The following SLC30A6 variants were observed in gnomAD, a reference collection of about 807,000 sequenced individuals.
SLC30A6 encodes zinc transporter 6.
SLC30A6 carries 55 observed loss-of-function variants against 63.0 expected under a neutral mutation model. That is an observed-to-expected ratio of 0.87 (90% confidence interval 0.70 to 1.09). SLC30A6 has a LOEUF of 1.09. SLC30A6 is among the 50% of genes least tolerant of loss of function. The pLI is 0.00. For missense variants in SLC30A6, 587 were observed against 549.2 expected (o/e 1.07, Z -0.69); for synonymous variants, 224 against 186.1 (o/e 1.20, Z -1.66).
intron 4 of SLC30A6, among the ~76,000 whole-genome samples, chr2:32,180,607 A>G (rs1399980804): frequency 6.6e-6 from 1 of 151,650 alleles, no homozygotes; most frequent in Non-Finnish European, 1.5e-5. Context: ...TAATTTTTGT[A>G]TTTTTAGTGG....
chr2:32,185,200 A>C (rs1233873783), intron 5 of SLC30A6, among the ~76,000 whole-genome samples: 1 of 152,148 alleles, frequency 6.6e-6, no homozygotes, highest in African/African-American at 2.4e-5. Context: ...TCGCTGCAAA[A>C]AATGTTTTTA....
chr2:32,186,375 G>A (rs369239942), intron 5 of SLC30A6, among the ~76,000 whole-genome samples: 1 of 152,198 alleles, frequency 6.6e-6, no homozygotes, highest in South Asian at 2.1e-4. Context: ...ATCTGCCACT[G>A]CAAGTGACAG....
At chr2:32,170,718 C>G (rs1681129975) in intron 1 of SLC30A6, among the ~76,000 whole-genome samples, 1 of 152,212 alleles carries the variant, frequency 6.6e-6, no homozygotes, top group Non-Finnish European at 1.5e-5. Flanking sequence ...CACGCCTCAG[C>G]CTCCTGAGTA....
intron 5 of SLC30A6, among the ~76,000 whole-genome samples, chr2:32,192,112 C>T (rs2148852037): frequency 6.6e-6 from 1 of 151,294 alleles, no homozygotes; most frequent in East Asian, 1.9e-4. Context: ...GGTGCTCTCT[C>T]TTCTGAGTCC....
chr2:32,175,141 G>A (rs921755294), intron 3 of SLC30A6, among the ~76,000 whole-genome samples, 178 bp from the exon 4 acceptor site: 7 of 152,000 alleles, frequency 4.6e-5, no homozygotes, highest in African/African-American at 1.4e-4. Flanking sequence ...TTCTACCAAC[G>A]AACTTTGGCT....
At position 32,175,225 on chromosome 2, in the gene SLC30A6, A is replaced by G. The variant is rs150882568; in HGVS notation, c.176-94A>G. 6.0e-3 allele frequency: 7,271 copies of G among 1,208,338 alleles called. 34 individuals carry two copies. The highest frequency in any genetic ancestry group is 7.1e-3 in the Non-Finnish European group (5,973 of 845,062). The allele number at this position is 1,208,338 out of a possible 1,614,324, so 74.9% of individuals were successfully genotyped here. On this transcript the variant is annotated intron_variant, in intron 3 of 13. Transcript: ENST00000282587. ...CCCGTGACTCAAAAGTTTTTTTGATAATGGATACCCCTGGTAGAAATAATT... is the reference window on the plus strand; with the variant it reads ...CCCGTGACTCAAAAGTTTTTTTGATGATGGATACCCCTGGTAGAAATAATT...
At chr2:32,178,953 G>A (rs893783347) in intron 4 of SLC30A6, among the ~76,000 whole-genome samples, 3 of 152,090 alleles carry the variant, frequency 2.0e-5, no homozygotes, top group East Asian at 1.9e-4. Context: ...AGCCTTTACC[G>A]CCTGAGCTCA....
intron 13 of SLC30A6, among the ~76,000 whole-genome samples, chr2:32,213,353 C>T (rs1424852059): frequency 6.9e-6 from 1 of 144,850 alleles, no homozygotes; most frequent in African/African-American, 2.6e-5. Context: ...TTTCGAGACT[C>T]ATAGGGCTCA....
At chr2:32,167,439 A>C (rs896289063) in intron 1 of SLC30A6, among the ~76,000 whole-genome samples, 9 of 150,312 alleles carry the variant, frequency 6.0e-5, no homozygotes, top group Non-Finnish European at 1.0e-4. Flanking sequence ...TTTCAGCCAC[A>C]GTGAATAGCT....
intron 8 of SLC30A6, 43 bp downstream of exon 8, chr2:32,194,026 T>A: frequency 6.7e-7 from 1 of 1,499,486 alleles, no homozygotes; most frequent in Non-Finnish European, 9.2e-7. Context: ...CCAACTAATC[T>A]CTCATAAAAA....
rs374537817 is a variant in SLC30A6 at position 32,204,631 on chromosome 2, C to T, written c.707C>T (p.Ala236Val). Reference protein sequence around the residue: ...AVDTASAIAIALMTFGTMYPM... With the variant: ...AVDTASAIAIVLMTFGTMYPM... ...GACACTGCCTCTGCTATAGCTATTG[C>T]CTTGATGACATTTGGCACTATGTAT... is the stretch of plus-strand genomic sequence containing the variant. The change falls in exon 11 of 14, where the codon GCC (alanine) becomes GTC (valine). Residue 236 changes from alanine to valine, a missense_variant. Coordinates refer to ENST00000282587, the MANE Select transcript of SLC30A6 (RefSeq NM_017964.5). 25 of 1,612,190 alleles carry T rather than the reference C, an allele frequency of 1.6e-5. No individual in the cohort carries two copies. The highest frequency in any genetic ancestry group is 2.0e-5 in the Non-Finnish European group (24 of 1,179,090).
chr2:32,209,137 TTAAG>T (rs1685038923), intron 12 of SLC30A6, among the ~76,000 whole-genome samples: 1 of 152,088 alleles, frequency 6.6e-6, no homozygotes, highest in African/African-American at 2.4e-5. Flanking sequence ...AACAAAAAAA[TTAAG>T]TAAAAAATCT....
intron 13 of SLC30A6, among the ~76,000 whole-genome samples, chr2:32,218,522 TTTGTTTTGTTTTG>T (rs1486474035): frequency 7.4e-5 from 1 of 13,514 alleles, no homozygotes; most frequent in Non-Finnish European, 1.6e-4. Flanking sequence ...GCTCTCCTCT[TTTGTTTTGTTTTG>T]TTTTGTTTTG....
At chr2:32,216,581 A>ATAAT (rs1248992246) in intron 13 of SLC30A6, among the ~76,000 whole-genome samples, 8 of 142,824 alleles carry the variant, frequency 5.6e-5, no homozygotes, top group South Asian at 2.2e-4. Context: ...AAATAAATAA[A>ATAAT]TAATAATAAT....
chr2:32,169,126 A>G (rs1680942736), intron 1 of SLC30A6, among the ~76,000 whole-genome samples: 1 of 152,024 alleles, frequency 6.6e-6, no homozygotes, highest in Non-Finnish European at 1.5e-5. Flanking sequence ...ATATATACAT[A>G]TGTACATACA....
intron 1 of SLC30A6, among the ~76,000 whole-genome samples, chr2:32,166,764 G>GATAT (rs1157103526): frequency 6.6e-6 from 1 of 152,196 alleles, no homozygotes; most frequent in South Asian, 2.1e-4. Flanking sequence ...TACTTAAGTG[G>GATAT]ATATGGTCGG....
In SLC30A6 at chr2:32,197,817, T is replaced by C. The variant is rs752489294; in HGVS notation, c.656T>C (p.Ile219Thr). 5 of 1,613,568 alleles carry C rather than the reference T, an allele frequency of 3.1e-6. No individual in the cohort carries two copies. Among genetic ancestry groups the C allele is most frequent in the South Asian group, 2.2e-5 (2 of 90,988 alleles). Residue 219 changes from isoleucine (I) to threonine (T), a missense_variant, in exon 10 of 14, where the codon ATT (isoleucine) becomes ACT (threonine). Ile to Thr is a moderately conservative substitution (Grantham distance 89, BLOSUM62 -1). Coordinates refer to ENST00000282587, the MANE Select transcript of SLC30A6 (RefSeq NM_017964.5). ...GCTCTTTGTATTACATATATGCTCA[T>C]TGAAATTAAGTGAGTATTTTTTATT... ...AFALCITYMLIEINNYFAVDT... is the reference protein window; with the variant it reads ...AFALCITYMLTEINNYFAVDT...
At chr2:32,187,524 A>G (rs1682940989) in intron 5 of SLC30A6, among the ~76,000 whole-genome samples, 1 of 152,214 alleles carries the variant, frequency 6.6e-6, no homozygotes, top group Non-Finnish European at 1.5e-5. Context: ...GCTAAGCAAT[A>G]AAGTTAAACA....
In SLC30A6 at chr2:32,220,698, A is replaced by G. The variant is rs1686092355; in HGVS notation, c.1371A>G (p.Gly457=). Residue 457 remains glycine, a synonymous_variant, in exon 14 of 14, where the codon GGA becomes GGG. Transcript: ENST00000282587. ...GATATGGAACTAATAATAGAATTGG[A>G]CAACCAAGACCATGATAGACTCTAA... ...PSRYGTNNRI[G]QPRP 2.5e-6 allele frequency: 4 copies of G among 1,613,190 alleles called. No individual in the cohort carries two copies. Among genetic ancestry groups the G allele is most frequent in the African/African-American group, 1.3e-5 (1 of 74,906 alleles).
Sources: allele counts gnomAD v4.1 joint callset (sites outside exome capture counted in the v4.1 genomes callset), GRCh38; gene constraint gnomAD v4.1.1; transcripts MANE v1.5; gene names NCBI Gene and HGNC (gene_info 2026-07-23, HGNC 2026-07-21).